FAM222B: variants seen among roughly 807,000 people sequenced by gnomAD.
FAM222B encodes family with sequence similarity 222 member B, also known as protein FAM222B.
In FAM222B, 12 loss-of-function variants were observed where a neutral mutation model predicts 38.0. That is an observed-to-expected ratio of 0.32 (90% CI 0.20 to 0.51). The LOEUF (loss-of-function observed/expected upper bound fraction) is 0.51. FAM222B is among the 20% of genes least tolerant of loss of function. FAM222B has a pLI of 0.97. For missense variants in FAM222B, 716 were observed against 754.2 expected (o/e 0.95, Z 0.59); for synonymous variants, 329 against 317.2 (o/e 1.04, Z -0.40).
chr17:28,791,328 T>A (rs949592294), intron 1 of FAM222B, among the ~76,000 whole-genome samples: 3 of 152,076 alleles, frequency 2.0e-5, no homozygotes, highest in African/African-American at 4.8e-5. Context: ...GGAGAAGACA[T>A]CTCTAAATTG....
chr17:28,818,395 G>T (rs2038099440), intron 1 of FAM222B, among the ~76,000 whole-genome samples: 1 of 152,004 alleles, frequency 6.6e-6, no homozygotes, highest in Non-Finnish European at 1.5e-5. Flanking sequence ...GGGCGTGGTG[G>T]TGGGCACCTG....
At position 28,823,719 on chromosome 17, in the gene FAM222B, G is replaced by A. The variant is rs772798110; in HGVS notation, c.-41+18963C>T. On this transcript the variant is annotated intron_variant, in intron 1 of 2. Coordinates refer to ENST00000581407, the MANE Select transcript of FAM222B (RefSeq NM_001077498.3). ...GCTCTTCTCTAGCCACAAACCATCT[G>A]TAGATGACCTCCTGATTAAATACCA... Among the ~76,000 whole-genome samples the A allele has an allele frequency of 2.6e-5, 4 of 151,954 alleles. No homozygotes were observed. In the South Asian group the frequency reaches 8.3e-4, roughly 32 times the overall value.
At chr17:28,803,973 C>T (rs4795462) in intron 1 of FAM222B, among the ~76,000 whole-genome samples, 28,662 of 151,292 alleles carry the variant, frequency 0.19, 2,865 homozygotes, top group South Asian at 0.3. Context: ...AGAGCAAGAC[C>T]ACGTCTCAAA....
chr17:28,811,357 T>C (rs1414066218), intron 1 of FAM222B, among the ~76,000 whole-genome samples: 1 of 152,130 alleles, frequency 6.6e-6, no homozygotes, highest in Admixed American at 6.6e-5. Context: ...GGGGAATCGC[T>C]TGAACCCTGG....
In FAM222B at chr17:28,781,961, T is replaced by C. The variant is rs186438260; in HGVS notation, c.-40-15254A>G. Among the ~76,000 whole-genome samples the C allele has an allele frequency of 8.5e-5, 13 of 152,208 alleles. No homozygotes were observed. The East Asian group carries it at 2.3e-3, about 27-fold the overall frequency. Reference sequence around the variant, plus strand: ...ACATGGTGACTATAGTTAATAACAATGTTTTGTTTACAGGCATGCCCCATT... The same window carrying C: ...ACATGGTGACTATAGTTAATAACAACGTTTTGTTTACAGGCATGCCCCATT... On this transcript the variant is annotated intron_variant, in intron 1 of 2. Transcript: ENST00000581407.
At chr17:28,830,117 G>A (rs1185152891) in intron 1 of FAM222B, among the ~76,000 whole-genome samples, 1 of 149,774 alleles carries the variant, frequency 6.7e-6, no homozygotes, top group Non-Finnish European at 1.5e-5. Flanking sequence ...CCAAAGTGCT[G>A]GGATTACAGG....
chr17:28,762,022 T>C (rs1445619593), intron 2 of FAM222B: 1 of 152,148 alleles, frequency 6.6e-6, no homozygotes, highest in African/African-American at 2.4e-5. Flanking sequence ...TCCAAGTTAG[T>C]ACCAACTCTG....
In FAM222B at chr17:28,790,915, T is replaced by TTTTTTTTA. The variant is rs752443903; in HGVS notation, c.-40-24209_-40-24208insTAAAAAAA. 7.3e-4 allele frequency among the ~76,000 whole-genome samples: 88 copies of TTTTTTTTA among 121,082 alleles called. 5 individuals are homozygous for TTTTTTTTA. Among genetic ancestry groups the TTTTTTTTA allele is most frequent in the Non-Finnish European group, 1.1e-3 (64 of 58,588 alleles). The allele number at this position is 121,082 out of a possible 152,430, so 79.4% of individuals were successfully genotyped here. ...TTTTTTTTTTTTTTTTTTTTTTTTT[T>TTTTTTTTA]AGAGACAGAATCTTGCTCTGTTGCC... is the stretch of plus-strand genomic sequence containing the variant. On this transcript the variant is annotated intron_variant, in intron 1 of 2. Transcript: ENST00000581407.
intron 1 of FAM222B, among the ~76,000 whole-genome samples, chr17:28,838,536 C>T (rs1252519500): frequency 1.3e-5 from 2 of 151,550 alleles, no homozygotes; most frequent in Non-Finnish European, 2.9e-5. Context: ...GCCGAGATCG[C>T]GTCACTGCAC....
chr17:28,846,682 TA>T (rs1211723759), upstream of FAM222B, among the ~76,000 whole-genome samples: 1 of 151,802 alleles, frequency 6.6e-6, no homozygotes, highest in African/African-American at 2.4e-5. Context: ...ATTTTCCTCT[TA>T]AAAAAGAAAA....
intron 1 of FAM222B, among the ~76,000 whole-genome samples, chr17:28,814,168 ACT>A (rs2037925438): frequency 6.6e-6 from 1 of 150,562 alleles, no homozygotes; most frequent in Admixed American, 6.6e-5. Flanking sequence ...TGAGAGTAAG[ACT>A]CTAACTCCAA....
intron 1 of FAM222B, among the ~76,000 whole-genome samples, chr17:28,775,904 A>C (rs1317840835): frequency 2.0e-5 from 3 of 149,372 alleles, no homozygotes; most frequent in Non-Finnish European, 3.0e-5. Context: ...AAAAACAAAA[A>C]CAAAAAAACA....
chr17:28,828,568 G>GA (rs34469459), intron 1 of FAM222B, among the ~76,000 whole-genome samples: 27,000 of 127,620 alleles, frequency 0.21, 2,593 homozygotes, highest in South Asian at 0.3. Context: ...ACTCTGTCAC[G>GA]AAAAAAAAAA....
intron 1 of FAM222B, among the ~76,000 whole-genome samples, chr17:28,771,008 T>A (rs1015320258): frequency 2.2e-4 from 33 of 149,056 alleles, no homozygotes; most frequent in Admixed American, 1.6e-3. Flanking sequence ...ATATATATAT[T>A]TTTTCTTTTT....
chr17:28,768,627 A>G (rs1336400970), intron 1 of FAM222B, among the ~76,000 whole-genome samples: 1 of 152,058 alleles, frequency 6.6e-6, no homozygotes, highest in Admixed American at 6.6e-5. Context: ...ACCTGAGGTC[A>G]GGAGTTCGAG....
chr17:28,801,883 A>G (rs1325171816), intron 1 of FAM222B, among the ~76,000 whole-genome samples: 1 of 152,120 alleles, frequency 6.6e-6, no homozygotes, highest in Non-Finnish European at 1.5e-5. Flanking sequence ...TATGACTAAT[A>G]ATGCTTATGC....
rs932280511 is a variant in FAM222B, at chr17:28,760,793, G to A, written c.83-917C>T. 3.3e-5 allele frequency among the ~76,000 whole-genome samples: 5 copies of A among 152,274 alleles called. No homozygotes were observed. The South Asian group carries it at 1.0e-3, about 32-fold the overall frequency. On this transcript the variant is annotated intron_variant, in intron 2 of 2. Transcript: ENST00000581407. ...GCAGCTGGGGGGCTTTGCCCACTGG[G>A]TGGGCACCCTGAACAGTAGACAGAA...
At position 28,759,399 on chromosome 17, in the gene FAM222B, G is replaced by A; in HGVS notation, c.560C>T (p.Pro187Leu). 12 of 1,601,192 alleles carry A rather than the reference G, an allele frequency of 7.5e-6. No homozygotes were observed. Among genetic ancestry groups the A allele is most frequent in the Non-Finnish European group, 1.0e-5 (12 of 1,175,078 alleles). The change falls in exon 3 of 3, where the codon CCT (proline) becomes CTT (leucine). Residue 187 changes from proline (P) to leucine (L), a missense_variant. By Grantham distance (98) the Pro-to-Leu change is moderately conservative. Coordinates refer to ENST00000581407, the MANE Select transcript of FAM222B (RefSeq NM_001077498.3). The surrounding 1 kb of genome is among the most constrained non-coding windows in gnomAD (Gnocchi z 4.8). ...GCCCTGAGGCTGCTGGAGGCTCTGA[G>A]GGTGGGACAGTGCCTGGGGTGGCGG... ...GIPPPQALSHPQSLQQPQGLG... is the reference protein window; with the variant it reads ...GIPPPQALSHLQSLQQPQGLG...
intron 1 of FAM222B, among the ~76,000 whole-genome samples, chr17:28,851,812 T>C (rs2039183042): frequency 6.7e-6 from 1 of 149,018 alleles, no homozygotes; most frequent in Non-Finnish European, 1.5e-5. Context: ...GAGGTGGAGG[T>C]TGCAGTGAGC....
Sources: gnomAD v4.1 joint callset for allele counts (sites outside exome capture counted in the v4.1 genomes callset) on GRCh38, gnomAD v4.1.1 for gene constraint, Gnocchi (gnomAD v3.1) non-coding constraint, MANE v1.5 for transcripts, NCBI Gene and HGNC (gene_info 2026-07-23, HGNC 2026-07-21) for gene names.